Variants in BTC observed in about 807,000 individuals in gnomAD.
BTC encodes betacellulin, also known as probetacellulin.
Under a neutral mutation model 18.1 loss-of-function variants are expected in BTC, and 13 were observed. That is an observed-to-expected ratio of 0.72 (90% CI 0.47 to 1.14). The LOEUF (loss-of-function observed/expected upper bound fraction) is 1.14, where lower values mean the gene tolerates loss of function less well. Among genes scored for constraint, BTC ranks in the 50% most tolerant of loss-of-function variants. The pLI is 0.00. For synonymous variants in BTC, 83 were observed against 79.4 expected (o/e 1.05, Z -0.24); for missense variants, 247 against 224.2 (o/e 1.10, Z -0.65).
chr4:74,763,490 T>G, intron 2 of BTC, among the ~76,000 whole-genome samples: 1 of 152,088 alleles, frequency 6.6e-6, no homozygotes, highest in East Asian at 1.9e-4. Context: ...CTTATTTGCA[T>G]AGTTTTCGGC....
At chr4:74,748,000 C>A in intron 5 of BTC, 40 bp downstream of exon 5, 5 of 1,165,032 alleles carry the variant, frequency 4.3e-6, no homozygotes, top group Non-Finnish European at 6.2e-6. Context: ...AGTTAAATGT[C>A]ACCTGAATAG....
intron 1 of BTC, among the ~76,000 whole-genome samples, chr4:74,772,354 A>G (rs189115299): frequency 6.9e-4 from 105 of 152,296 alleles, no homozygotes; most frequent in African/African-American, 2.5e-3. Context: ...TTTCCTTCAC[A>G]CTTAGAACAA....
At chr4:74,771,773 C>T (rs147361578) in intron 1 of BTC, among the ~76,000 whole-genome samples, 172 of 152,220 alleles carry the variant, frequency 1.1e-3, no homozygotes, top group African/African-American at 3.9e-3. Context: ...AACATAAAAG[C>T]AAATACACAC....
At chr4:74,762,890 A>G (rs1553957455) in intron 2 of BTC, among the ~76,000 whole-genome samples, 1 of 152,172 alleles carries the variant, frequency 6.6e-6, no homozygotes, top group Non-Finnish European at 1.5e-5. Context: ...CTTAATTAGA[A>G]TTTTCAAAAT....
chr4:74,749,534 C>T (rs1466388918), intron 4 of BTC, among the ~76,000 whole-genome samples: 3 of 148,150 alleles, frequency 2.0e-5, no homozygotes, highest in African/African-American at 7.7e-5. Flanking sequence ...ACTCCCTCTA[C>T]CGTAGTGCTT....
chr4:74,794,462 C>G lies in BTC; in HGVS notation c.-137G>C. ...GAAGGAAACGAAACTACTTCCCAGGCTGGCACCCTGGCTACAAGGCAGGGA... is the reference window on the plus strand; with the variant it reads ...GAAGGAAACGAAACTACTTCCCAGGGTGGCACCCTGGCTACAAGGCAGGGA... On this transcript the variant is annotated 5_prime_UTR_variant, in exon 1 of 6. Coordinates refer to ENST00000395743, the MANE Select transcript of BTC (RefSeq NM_001729.4). 1 of 973,952 alleles carries G rather than the reference C, an allele frequency of 1.0e-6. No homozygotes were observed. Among genetic ancestry groups the G allele is most frequent in the Non-Finnish European group, 1.5e-6 (1 of 685,396 alleles). The allele number at this position is 973,952 out of a possible 1,614,324, so 60.3% of individuals were successfully genotyped here. A position where few individuals can be genotyped will look rare whatever the true frequency, so the allele number is the denominator to read the frequency against.
chr4:74,787,864 C>G (rs1156236988), intron 1 of BTC, among the ~76,000 whole-genome samples: 1 of 152,106 alleles, frequency 6.6e-6, no homozygotes, highest in Non-Finnish European at 1.5e-5. Context: ...CCATCTCCAA[C>G]CTAAGAAAGC....
intron 4 of BTC, among the ~76,000 whole-genome samples, chr4:74,749,866 G>T (rs911053681): frequency 6.7e-6 from 1 of 149,676 alleles, no homozygotes; most frequent in Non-Finnish European, 1.5e-5. Flanking sequence ...AGGCTGAGGC[G>T]GGAGGATCAC....
At chr4:74,773,941 A>G (rs1478285231) in intron 1 of BTC, among the ~76,000 whole-genome samples, 3 of 151,526 alleles carry the variant, frequency 2.0e-5, no homozygotes, top group Middle Eastern at 3.4e-3. Flanking sequence ...GTACAGTATA[A>G]TATGTACAAC....
At position 74,748,058 on chromosome 4, in the gene BTC, CTT is replaced by C. The variant is rs782781879; in HGVS notation, c.518_519del (p.Glu173GlyfsTer37). The C allele has an allele frequency of 1.3e-6, 2 of 1,593,438 alleles. No individual in the cohort carries two copies. Among genetic ancestry groups the C allele is most frequent in the African/African-American group, 2.7e-5 (2 of 74,212 alleles). ...CACTTACTTTAAGCAATATTTGTCT[CTT>C]CAATATCTTCATTGATAGGAGTTAT... ...KDITPINEDI[E>X]ETNIA On this transcript the variant is annotated frameshift_variant, in exon 5 of 6. Transcript: ENST00000395743. LOFTEE classifies it high-confidence loss of function.
At chr4:74,771,645 T>G (rs1369537173) in intron 1 of BTC, among the ~76,000 whole-genome samples, 1 of 152,178 alleles carries the variant, frequency 6.6e-6, no homozygotes, top group Non-Finnish European at 1.5e-5. Context: ...TTGGAACATG[T>G]TTTCAAAGAA....
At position 74,794,441 on chromosome 4, in the gene BTC, G is replaced by C; in HGVS notation, c.-116C>G. The stretch of plus-strand genomic sequence containing the variant: ...TGGAAACTAATCCCGGAGGCAGAAG[G>C]AAACGAAACTACTTCCCAGGCTGGC... On this transcript the variant is annotated 5_prime_UTR_variant, in exon 1 of 6. Transcript: ENST00000395743. 1 of 1,157,830 alleles carries C rather than the reference G, an allele frequency of 8.6e-7. No individual in the cohort carries two copies. Among genetic ancestry groups the C allele is most frequent in the Non-Finnish European group, 1.2e-6 (1 of 852,262 alleles). 71.7% of individuals were successfully genotyped at this position (1,157,830 alleles called of 1,614,324 possible). A position where few individuals can be genotyped will look rare whatever the true frequency, so the allele number is the denominator to read the frequency against.
Position 74,764,717 on chromosome 4 carries a change from T to G in BTC, c.163+5341A>C, listed in dbSNP as rs4596323. Among the ~76,000 whole-genome samples the G allele has an allele frequency of 6.6e-3, 1,000 of 152,260 alleles. 4 individuals are homozygous for G. The highest frequency in any genetic ancestry group is 0.011 in the Non-Finnish European group (723 of 68,022). On this transcript the variant is annotated intron_variant, in intron 2 of 5. Coordinates refer to ENST00000395743, the MANE Select transcript of BTC (RefSeq NM_001729.4). ...ATAGAGGCCATTATTTTAAGAGAAG[T>G]AATGCAGGAATGGGAAACCAAATAG...
In BTC at chr4:74,748,382, A is replaced by G. The variant is rs1393461828; in HGVS notation, c.429-233T>C. Among the ~76,000 whole-genome samples, 4 of 152,252 alleles carry G rather than the reference A, an allele frequency of 2.6e-5. No individual in the cohort carries two copies. In the South Asian group the frequency reaches 6.2e-4, roughly 24 times the overall value. On this transcript the variant is annotated intron_variant, in intron 4 of 5. Transcript: ENST00000395743. Reference sequence around the variant, plus strand: ...AAACCCCGTCTCTACTAAAAATACAAAAAATTGGCCGGACGTGGTGGTGGG... The same window carrying G: ...AAACCCCGTCTCTACTAAAAATACAGAAAATTGGCCGGACGTGGTGGTGGG...
At chr4:74,748,461 G>A (rs530930146) in intron 4 of BTC, among the ~76,000 whole-genome samples, 210 of 152,018 alleles carry the variant, frequency 1.4e-3, no homozygotes, top group Non-Finnish European at 2.3e-3. Context: ...GCGTGAACCC[G>A]GGAGGCGGAG....
chr4:74,754,552 A>C (rs1553956509), intron 3 of BTC, among the ~76,000 whole-genome samples: 1 of 152,232 alleles, frequency 6.6e-6, no homozygotes, highest in Admixed American at 6.5e-5. Context: ...AAACCATAGC[A>C]AGAATAAGCT....
intron 3 of BTC, among the ~76,000 whole-genome samples, chr4:74,753,149 G>A (rs951714977): frequency 7.2e-5 from 11 of 152,270 alleles, no homozygotes; most frequent in African/African-American, 2.4e-4. Context: ...GACTAAGTGG[G>A]TTTTTATTTA....
rs941895964 is a variant in BTC, at chr4:74,745,261, T to C, written c.*1416A>G. 1 of 152,222 alleles carries C rather than the reference T, an allele frequency of 6.6e-6. No homozygotes were observed. The highest frequency in any genetic ancestry group is 2.4e-5 in the African/African-American group (1 of 41,466). The allele number at this position is 152,222 out of a possible 1,614,324, so 9.4% of individuals were successfully genotyped here. ...ATAGGGGAGCTATTTATGTATCATA[T>C]GTAAGTACAGCCCCAGCTTCACTCA... On this transcript the variant is annotated 3_prime_UTR_variant, in exon 6 of 6. Transcript: ENST00000395743.
chr4:74,783,301 T>C (rs1206008543), intron 1 of BTC, among the ~76,000 whole-genome samples: 1 of 152,176 alleles, frequency 6.6e-6, no homozygotes, highest in Non-Finnish European at 1.5e-5. Context: ...GGGGTCCAGT[T>C]TCCATTTTCT....
Sources: gnomAD v4.1 joint callset for allele counts (sites outside exome capture counted in the v4.1 genomes callset) on GRCh38, gnomAD v4.1.1 for gene constraint, MANE v1.5 for transcripts, NCBI Gene and HGNC (gene_info 2026-07-23, HGNC 2026-07-21) for gene names.